SLC24A2: variants seen among roughly 807,000 people sequenced by gnomAD.
SLC24A2 encodes solute carrier family 24 member 2.
Under a neutral mutation model 62.0 loss-of-function variants are expected in SLC24A2, and 36 were observed. The observed-to-expected ratio is 0.58, with a 90% CI of 0.44 to 0.77. The LOEUF is 0.77. Among genes scored for constraint, SLC24A2 ranks in the 30% least tolerant of loss-of-function variants. The probability of loss-of-function intolerance (pLI) is 0.00; values close to 1 mark genes in which losing one functional copy is unlikely to be tolerated. For synonymous variants in SLC24A2, 358 were observed against 294.0 expected (o/e 1.22, Z -2.23); for missense variants, 846 against 817.9 (o/e 1.03, Z -0.42).
chr9:19,957,136 A>G, the SLC24A2 span, among the ~76,000 whole-genome samples: 1 of 152,342 alleles, frequency 6.6e-6, no homozygotes, highest in Non-Finnish European at 1.5e-5. Flanking sequence ...AATATAATAC[A>G]TTACTGCTGA....
chr9:19,642,147 G>C (rs1818515540), intron 2 of SLC24A2, among the ~76,000 whole-genome samples: 1 of 152,100 alleles, frequency 6.6e-6, no homozygotes, highest in East Asian at 1.9e-4. Context: ...GCAGGGTGGA[G>C]AGAGCTGGAA....
At chr9:19,533,415 G>T (rs1231550032) in intron 8 of SLC24A2, among the ~76,000 whole-genome samples, 2 of 152,208 alleles carry the variant, frequency 1.3e-5, no homozygotes, top group Non-Finnish European at 1.5e-5. Context: ...CAAGAGGTGA[G>T]GTCTATTTTT....
chr9:19,855,962 T>C, the SLC24A2 span, among the ~76,000 whole-genome samples: 2 of 152,142 alleles, frequency 1.3e-5, no homozygotes, highest in Non-Finnish European at 2.9e-5. Context: ...AATCTCATAG[T>C]TCTTGGAGGT....
chr9:20,278,841 A>C, the SLC24A2 span, among the ~76,000 whole-genome samples: 1 of 152,162 alleles, frequency 6.6e-6, no homozygotes, highest in East Asian at 1.9e-4. Context: ...TACTAGCACC[A>C]ATTTATTGTA....
the SLC24A2 span, among the ~76,000 whole-genome samples, chr9:20,296,890 G>A: frequency 1.3e-5 from 2 of 152,156 alleles, no homozygotes; most frequent in Non-Finnish European, 1.5e-5. Context: ...GCAAAAATAT[G>A]CACGTTATTA....
the SLC24A2 span, among the ~76,000 whole-genome samples, chr9:19,909,558 A>C: frequency 6.6e-6 from 1 of 152,128 alleles, no homozygotes; most frequent in East Asian, 1.9e-4. Context: ...AAGGGACTAT[A>C]AATTATGGAG....
At chr9:20,160,790 T>C in the SLC24A2 span, among the ~76,000 whole-genome samples, 2 of 150,842 alleles carry the variant, frequency 1.3e-5, no homozygotes, top group African/African-American at 2.4e-5. Context: ...ACCTTAAACA[T>C]CTTGAATAAT....
intron 7 of SLC24A2, among the ~76,000 whole-genome samples, chr9:19,567,958 C>A (rs1835725104): frequency 6.6e-6 from 1 of 152,072 alleles, no homozygotes; most frequent in Non-Finnish European, 1.5e-5. Context: ...GATGAGGTGA[C>A]AATGTGAAAT....
chr9:19,938,682 T>C, the SLC24A2 span, among the ~76,000 whole-genome samples: 1 of 152,178 alleles, frequency 6.6e-6, no homozygotes, highest in Non-Finnish European at 1.5e-5. Context: ...GTTAACCCTC[T>C]AGTGATTCTT....
chr9:19,899,670 T>G, the SLC24A2 span, among the ~76,000 whole-genome samples: 1 of 152,208 alleles, frequency 6.6e-6, no homozygotes, highest in Admixed American at 6.5e-5. Context: ...GACTTGGTAA[T>G]TTATAAAGAA....
intron 4 of SLC24A2, among the ~76,000 whole-genome samples, chr9:19,609,166 T>C (rs1837074590): frequency 6.6e-6 from 1 of 152,240 alleles, no homozygotes; most frequent in Non-Finnish European, 1.5e-5. Context: ...ACCAGGGCGC[T>C]TGCCATGCCA....
chr9:19,821,716 A>G, the SLC24A2 span, among the ~76,000 whole-genome samples: 390 of 152,252 alleles, frequency 2.6e-3, 7 homozygotes, highest in East Asian at 0.017. Flanking sequence ...ACAATGTACA[A>G]TATTGTATAT....
chr9:19,665,269 T>G (rs1343299756), intron 2 of SLC24A2, among the ~76,000 whole-genome samples: 1 of 152,180 alleles, frequency 6.6e-6, no homozygotes, highest in Admixed American at 6.6e-5. Context: ...GTAGGCGGTT[T>G]ACGCTCACTG....
intron 4 of SLC24A2, among the ~76,000 whole-genome samples, chr9:19,615,785 G>A (rs1817752452): frequency 1.3e-5 from 2 of 152,098 alleles, no homozygotes; most frequent in African/African-American, 4.8e-5. Context: ...CTCCACAAGG[G>A]CCAGGCGTTT....
At chr9:19,747,905 T>C (rs1056149556) in intron 2 of SLC24A2, among the ~76,000 whole-genome samples, 16 of 152,104 alleles carry the variant, frequency 1.1e-4, no homozygotes, top group African/African-American at 3.4e-4. Context: ...ATGAGGAAAC[T>C]GAGGCACAAA....
chr9:19,600,002 A>G (rs754843627), intron 4 of SLC24A2, among the ~76,000 whole-genome samples: 2 of 152,202 alleles, frequency 1.3e-5, no homozygotes, highest in Non-Finnish European at 2.9e-5. Context: ...GAAGTAAGGG[A>G]GTTCAAGAGT....
intron 7 of SLC24A2, among the ~76,000 whole-genome samples, chr9:19,569,942 G>A (rs1157855229): frequency 4.6e-5 from 7 of 152,108 alleles, no homozygotes; most frequent in African/African-American, 1.2e-4. Flanking sequence ...CCATTTCCTT[G>A]GAGGCCTTCC....
chr9:20,038,720 T>C, the SLC24A2 span, among the ~76,000 whole-genome samples: 1 of 151,686 alleles, frequency 6.6e-6, no homozygotes, highest in Non-Finnish European at 1.5e-5. Context: ...TTAAAAGTAC[T>C]AGTTTCACAA....
chr9:19,590,373 C>G (rs2132883604), intron 5 of SLC24A2, among the ~76,000 whole-genome samples: 1 of 152,112 alleles, frequency 6.6e-6, no homozygotes, highest in African/African-American at 2.4e-5. Flanking sequence ...TTCTCTTTGT[C>G]TTCTTGCTCC....
Sources: gnomAD v4.1 joint callset for allele counts (sites outside exome capture counted in the v4.1 genomes callset) on GRCh38, gnomAD v4.1.1 for gene constraint, MANE v1.5 for transcripts, NCBI Gene and HGNC (gene_info 2026-07-23, HGNC 2026-07-21) for gene names.